Variants in PDE8B observed in about 807,000 individuals in gnomAD.
PDE8B encodes high affinity cAMP-specific and IBMX-insensitive 3',5'-cyclic phosphodiesterase 8B.
In PDE8B, 26 loss-of-function variants were observed where a neutral mutation model predicts 101.3. That is an observed-to-expected ratio of 0.26 (90% confidence interval 0.19 to 0.36). The LOEUF is 0.36. Among genes scored for constraint, PDE8B ranks in the 10% least tolerant of loss-of-function variants. PDE8B has a pLI of 1.00. For synonymous variants in PDE8B, 424 were observed against 429.3 expected, an observed-to-expected ratio of 0.99 and a Z score of 0.15; for missense variants, 810 against 1,163.1, an observed-to-expected ratio of 0.70 and a Z score of 4.42.
chr5:77,090,634 G>C, the PDE8B span, among the ~76,000 whole-genome samples: 1 of 152,174 alleles, frequency 6.6e-6, no homozygotes, highest in African/African-American at 2.4e-5. Flanking sequence ...ATATATATGA[G>C]ATCATGCAGT....
At chr5:77,191,326 A>T in the PDE8B span, among the ~76,000 whole-genome samples, 4 of 152,030 alleles carry the variant, frequency 2.6e-5, no homozygotes, top group African/African-American at 9.7e-5. Context: ...AATTTTATTG[A>T]CGTATAATAT....
chr5:77,310,275 T>C (rs1772299056), intron 1 of PDE8B, among the ~76,000 whole-genome samples: 1 of 152,194 alleles, frequency 6.6e-6, no homozygotes. Context: ...TTAATCAGCG[T>C]TCTGGCAGTT....
the PDE8B span, chr5:77,144,462 A>C: frequency 2.0e-5 from 3 of 152,240 alleles, no homozygotes; most frequent in African/African-American, 7.2e-5. Flanking sequence ...TACGAGTCAT[A>C]GGGACGGTGT....
At chr5:77,415,327 C>T (rs974693585) in intron 17 of PDE8B, among the ~76,000 whole-genome samples, 20 of 150,660 alleles carry the variant, frequency 1.3e-4, no homozygotes, top group African/African-American at 4.6e-4. Flanking sequence ...TCTGTCACCC[C>T]TAATTTCTTT....
the PDE8B span, among the ~76,000 whole-genome samples, chr5:77,143,715 C>T: frequency 6.6e-6 from 1 of 152,046 alleles, no homozygotes; most frequent in African/African-American, 2.4e-5. Context: ...TTCTTCTTGT[C>T]CACAGAGGGC....
At chr5:77,320,798 A>G (rs1057380902) in intron 2 of PDE8B, among the ~76,000 whole-genome samples, 11 of 152,214 alleles carry the variant, frequency 7.2e-5, no homozygotes, top group African/African-American at 2.4e-4. Context: ...TTGCAGAATC[A>G]TTTATATGAG....
chr5:77,100,946 C>G, the PDE8B span, among the ~76,000 whole-genome samples: 2 of 148,578 alleles, frequency 1.3e-5, no homozygotes, highest in Non-Finnish European at 3.0e-5. Flanking sequence ...AACTCCCAAT[C>G]ATCTAAAAAT....
the PDE8B span, among the ~76,000 whole-genome samples, chr5:77,116,443 TGTC>T: frequency 1.3e-5 from 2 of 152,014 alleles, no homozygotes; most frequent in African/African-American, 4.8e-5. Context: ...AGTTTCACCA[TGTC>T]GTCCAGTCTG....
intron 1 of PDE8B, among the ~76,000 whole-genome samples, chr5:77,305,198 A>G (rs1770904561): frequency 6.6e-6 from 1 of 152,232 alleles, no homozygotes; most frequent in Admixed American, 6.5e-5. Context: ...GATTCCAGTT[A>G]TCTTGGTGTC....
chr5:77,127,685 A>G, the PDE8B span, among the ~76,000 whole-genome samples: 1 of 152,180 alleles, frequency 6.6e-6, no homozygotes, highest in African/African-American at 2.4e-5. Context: ...GAAGACAGAC[A>G]TCACTTTGCA....
intron 13 of PDE8B, among the ~76,000 whole-genome samples, chr5:77,408,023 G>C (rs1340115744): frequency 1.3e-5 from 2 of 152,180 alleles, no homozygotes; most frequent in Non-Finnish European, 2.9e-5. Context: ...GATGTGACCA[G>C]ATATGTTTGT....
intron 1 of PDE8B, among the ~76,000 whole-genome samples, chr5:77,258,891 C>A (rs1473516708): frequency 6.6e-6 from 1 of 151,688 alleles, no homozygotes; most frequent in African/African-American, 2.4e-5. Flanking sequence ...ACTGTTGGTT[C>A]CTCAGGGTCT....
chr5:77,295,183 A>G (rs1409711639), intron 1 of PDE8B, among the ~76,000 whole-genome samples: 1 of 152,212 alleles, frequency 6.6e-6, no homozygotes, highest in Non-Finnish European at 1.5e-5. Context: ...GATAATCTAG[A>G]AAAGAAAAAG....
chr5:77,181,912 A>G, the PDE8B span, among the ~76,000 whole-genome samples: 2 of 152,324 alleles, frequency 1.3e-5, no homozygotes, highest in East Asian at 3.9e-4. Context: ...TTTATAACCC[A>G]GCAGTTCGCA....
chr5:77,127,197 C>T, the PDE8B span, among the ~76,000 whole-genome samples: 56 of 152,164 alleles, frequency 3.7e-4, no homozygotes, highest in Non-Finnish European at 2.2e-4. Flanking sequence ...CAAATCTCAT[C>T]TCGAATTGTA....
chr5:77,097,094 A>G, the PDE8B span, among the ~76,000 whole-genome samples: 2 of 152,070 alleles, frequency 1.3e-5, no homozygotes, highest in Non-Finnish European at 2.9e-5. Context: ...TTCCTTAATT[A>G]TATACATCTT....
chr5:77,415,946 G>A (rs534881439), intron 17 of PDE8B, among the ~76,000 whole-genome samples: 1 of 152,230 alleles, frequency 6.6e-6, no homozygotes. Context: ...TGGTTAAAGA[G>A]GGAAAAAACT....
At chr5:77,356,255 C>T (rs571869817) in intron 10 of PDE8B, among the ~76,000 whole-genome samples, 4 of 152,250 alleles carry the variant, frequency 2.6e-5, no homozygotes, top group African/African-American at 7.2e-5. Context: ...GGTGCGGACA[C>T]GAGAACCTAG....
chr5:77,411,588 T>A, intron 14 of PDE8B, 88 bp from the exon 15 acceptor site: 2 of 1,105,790 alleles, frequency 1.8e-6, no homozygotes, highest in Non-Finnish European at 2.7e-6. Flanking sequence ...TTATTCAGGA[T>A]TCAAATCTCT....
Sources: allele counts gnomAD v4.1 joint callset (sites outside exome capture counted in the v4.1 genomes callset), GRCh38; gene constraint gnomAD v4.1.1; transcripts MANE v1.5; gene names NCBI Gene and HGNC (gene_info 2026-07-23, HGNC 2026-07-21).